HS3ST3A1: variants seen among roughly 807,000 people sequenced by gnomAD.
The protein encoded by HS3ST3A1 is heparan sulfate-glucosamine 3-sulfotransferase 3A1, also known as heparan sulfate glucosamine 3-O-sulfotransferase 3A1.
Under a neutral mutation model 25.7 loss-of-function variants are expected in HS3ST3A1, and 19 were observed. The ratio of observed to expected loss-of-function variants is 0.74; its 90% CI spans 0.52 to 1.08. The LOEUF is 1.08. HS3ST3A1 is among the 50% of genes least tolerant of loss of function. HS3ST3A1 has a pLI of 0.00. For missense variants in HS3ST3A1, 459 were observed against 594.3 expected (o/e 0.77, Z 2.37); for synonymous variants, 226 against 278.6 (o/e 0.81, Z 1.88).
chr17:13,516,557 C>A (rs945083970), intron 1 of HS3ST3A1, among the ~76,000 whole-genome samples: 12 of 152,078 alleles, frequency 7.9e-5, no homozygotes, highest in African/African-American at 2.9e-4. Flanking sequence ...AGTCATGAAG[C>A]CTTAATAAAG....
chr17:13,500,624 A>C (rs1430393151), intron 1 of HS3ST3A1, among the ~76,000 whole-genome samples: 2 of 152,212 alleles, frequency 1.3e-5, no homozygotes, highest in East Asian at 3.8e-4. Flanking sequence ...AGACCATTCC[A>C]ACCTCCCTTC....
In HS3ST3A1 at chr17:13,600,926, G is replaced by C. The variant is rs1437898338; in HGVS notation, c.204C>G (p.Gly68=). 26 of 1,528,866 alleles carry C rather than the reference G, an allele frequency of 1.7e-5. No individual in the cohort carries two copies. The highest frequency in any genetic ancestry group is 2.1e-5 in the Non-Finnish European group (24 of 1,138,806). The allele number at this position is 1,528,866 out of a possible 1,614,324, so 94.7% of individuals were successfully genotyped here. The change falls in exon 1 of 2, where the codon GGC becomes GGG. Residue 68 remains glycine (G), a synonymous_variant. Coordinates refer to ENST00000284110, the MANE Select transcript of HS3ST3A1 (RefSeq NM_006042.3). ...GGGEEAGAPG[G]GVLAGGPREL... is the part of the protein sequence containing the mutation. ...CCCTCGGGCCTCCGGCCAGGACGCC[G>C]CCACCAGGGGCCCCCGCCTCCTCGC... is the stretch of plus-strand genomic sequence containing the variant.
intron 1 of HS3ST3A1, among the ~76,000 whole-genome samples, chr17:13,501,507 T>C (rs981856549): frequency 1.3e-5 from 2 of 152,166 alleles, no homozygotes; most frequent in African/African-American, 4.8e-5. Context: ...GGGGCTCTGG[T>C]TTTGCTAAAA....
intron 1 of HS3ST3A1, among the ~76,000 whole-genome samples, chr17:13,528,226 G>C (rs1906499096): frequency 6.6e-6 from 1 of 152,166 alleles, no homozygotes; most frequent in African/African-American, 2.4e-5. Flanking sequence ...CTAACCTTCT[G>C]GACATGTGGG....
Position 13,514,893 on chromosome 17 carries a change from A to G in HS3ST3A1, c.600-18075T>C, listed in dbSNP as rs141858522. On this transcript the variant is annotated intron_variant, in intron 1 of 1. Transcript: ENST00000284110. ...GTTAATTTAAATATAAAACAAAATA[A>G]GAATTTTACTGAGGAACATAAAAGA... 4.8e-3 allele frequency among the ~76,000 whole-genome samples: 737 copies of G among 152,340 alleles called. 6 individuals carry two copies. The highest frequency in any genetic ancestry group is 0.017 in the Middle Eastern group (5 of 294).
intron 1 of HS3ST3A1, among the ~76,000 whole-genome samples, chr17:13,581,925 A>G (rs542992064): frequency 2.6e-5 from 4 of 152,322 alleles, no homozygotes; most frequent in Admixed American, 1.3e-4. Flanking sequence ...CTGTCTGGGC[A>G]TTTCTGTGCC....
intron 1 of HS3ST3A1, among the ~76,000 whole-genome samples, chr17:13,586,650 G>A (rs1189206032): frequency 6.6e-6 from 1 of 151,320 alleles, no homozygotes. Flanking sequence ...GGCGGATCAC[G>A]AGGTCAGCAG....
chr17:13,527,065 C>G (rs2142326687), intron 1 of HS3ST3A1, among the ~76,000 whole-genome samples: 1 of 152,272 alleles, frequency 6.6e-6, no homozygotes, highest in Admixed American at 6.5e-5. Context: ...ATTGTTCCAG[C>G]CCCAAACAAC....
rs34383911 is a variant in HS3ST3A1 at position 13,534,547 on chromosome 17, C to CAAAAAA, written c.600-37735_600-37730dup. ...GGTGAAACTTCATCTCTACAAAATC[C>CAAAAAA]AAAAAAAAAAAAAAAAAAAAAAAAA... On this transcript the variant is annotated intron_variant, in intron 1 of 1. Transcript: ENST00000284110. 7.3e-3 allele frequency among the ~76,000 whole-genome samples: 240 copies of CAAAAAA among 32,826 alleles called. 12 individuals carry two copies. The highest frequency in any genetic ancestry group is 0.017 in the African/African-American group (185 of 10,612). 21.5% of individuals were successfully genotyped at this position (32,826 alleles called of 152,430 possible).
chr17:13,501,202 GTACTTAACAC>G (rs60669683), intron 1 of HS3ST3A1, among the ~76,000 whole-genome samples: 4,551 of 152,246 alleles, frequency 0.03, 99 homozygotes, highest in African/African-American at 0.065. Flanking sequence ...CAACGTGTAT[GTACTTAACAC>G]TACTGAACCG....
chr17:13,600,022 AC>A (rs1489372952), intron 1 of HS3ST3A1, among the ~76,000 whole-genome samples: 2 of 152,176 alleles, frequency 1.3e-5, no homozygotes, highest in Non-Finnish European at 2.9e-5. Flanking sequence ...GGTTCTTGAC[AC>A]TTTTACTAAG....
At chr17:13,508,149 C>A (rs1472357726) in intron 1 of HS3ST3A1, among the ~76,000 whole-genome samples, 1 of 152,192 alleles carries the variant, frequency 6.6e-6, no homozygotes, top group Non-Finnish European at 1.5e-5. Flanking sequence ...GAGCCCAGGA[C>A]ACTGACCAGC....
At chr17:13,596,630 C>T (rs916638488) in intron 1 of HS3ST3A1, among the ~76,000 whole-genome samples, 5 of 152,092 alleles carry the variant, frequency 3.3e-5, no homozygotes, top group African/African-American at 1.2e-4. Context: ...AAAGTAACAT[C>T]TCACTCTCTT....
rs1467719264 is a variant in HS3ST3A1 at position 13,495,763 on chromosome 17, C to T, written c.*434G>A. On this transcript the variant is annotated 3_prime_UTR_variant, in exon 2 of 2. Transcript: ENST00000284110. The stretch of plus-strand genomic sequence containing the variant: ...CTATGAAAACTGTGACGGGTACAAA[C>T]ATATGATAATACTAACTGGGAAATA... 6.4e-6 allele frequency: 1 copy of T among 156,128 alleles called. No homozygotes were observed. The highest frequency in any genetic ancestry group is 1.9e-4 in the East Asian group (1 of 5,276). 9.7% of individuals were successfully genotyped at this position (156,128 alleles called of 1,614,324 possible). A position where few individuals can be genotyped will look rare whatever the true frequency, so the allele number is the denominator to read the frequency against.
chr17:13,576,799 A>AT (rs555598936), intron 1 of HS3ST3A1, among the ~76,000 whole-genome samples: 298 of 152,286 alleles, frequency 2.0e-3, no homozygotes, highest in Admixed American at 3.1e-3. Flanking sequence ...AATCCTAATG[A>AT]TTTTTTTAAC....
intron 1 of HS3ST3A1, among the ~76,000 whole-genome samples, chr17:13,534,416 G>T (rs1906704285): frequency 6.6e-6 from 1 of 151,602 alleles, no homozygotes; most frequent in African/African-American, 2.4e-5. Flanking sequence ...CTATAAAGTT[G>T]CTGCAGTCCA....
intron 1 of HS3ST3A1, among the ~76,000 whole-genome samples, chr17:13,550,797 A>T (rs1173636989): frequency 1.3e-5 from 2 of 152,156 alleles, no homozygotes; most frequent in Non-Finnish European, 2.9e-5. Flanking sequence ...GGCCCGGCGC[A>T]GTGGCTCACG....
intron 1 of HS3ST3A1, among the ~76,000 whole-genome samples, chr17:13,530,343 C>T (rs7212024): frequency 0.42 from 63,905 of 151,896 alleles, 15,059 homozygotes; most frequent in African/African-American, 0.65. Context: ...ATCACAACAA[C>T]AATATCAACA....
At chr17:13,595,166 G>C (rs1394980332) in intron 1 of HS3ST3A1, among the ~76,000 whole-genome samples, 2 of 152,152 alleles carry the variant, frequency 1.3e-5, no homozygotes, top group East Asian at 3.8e-4. Flanking sequence ...GGCAATCTTA[G>C]GATAAATGTA....
Sources: gnomAD v4.1 joint callset for allele counts (sites outside exome capture counted in the v4.1 genomes callset) on GRCh38, gnomAD v4.1.1 for gene constraint, MANE v1.5 for transcripts, NCBI Gene and HGNC (gene_info 2026-07-23, HGNC 2026-07-21) for gene names.